PLXDC2: variants seen among roughly 807,000 people sequenced by gnomAD.
The protein encoded by PLXDC2 is plexin domain containing 2.
In PLXDC2, 40 loss-of-function variants were observed where a neutral mutation model predicts 68.9. The ratio of observed to expected loss-of-function variants is 0.58; its 90% CI spans 0.45 to 0.76. PLXDC2 has a LOEUF of 0.76. PLXDC2 is among the 30% of genes least tolerant of loss of function. PLXDC2 has a pLI of 0.00. For missense variants in PLXDC2, 644 were observed against 661.9 expected, an observed-to-expected ratio of 0.97 and a Z score of 0.30; for synonymous variants, 243 against 234.2, an observed-to-expected ratio of 1.04 and a Z score of -0.34.
intron 1 of PLXDC2, among the ~76,000 whole-genome samples, chr10:19,873,771 A>G (rs1837585711): frequency 6.6e-6 from 1 of 152,224 alleles, no homozygotes; most frequent in Non-Finnish European, 1.5e-5. Context: ...TTTATTTGGT[A>G]TCACAAAGAT....
At chr10:20,253,432 C>T (rs888148642) in intron 13 of PLXDC2, among the ~76,000 whole-genome samples, 2 of 151,304 alleles carry the variant, frequency 1.3e-5, no homozygotes, top group African/African-American at 4.9e-5. Context: ...ACACTCTCAC[C>T]ATTCTTAAAG....
At chr10:20,144,925 A>G (rs991676004) in intron 5 of PLXDC2, among the ~76,000 whole-genome samples, 13 of 152,194 alleles carry the variant, frequency 8.5e-5, no homozygotes, top group African/African-American at 3.1e-4. Flanking sequence ...GTTCCTAGGT[A>G]GCTCTTAATA....
At chr10:19,936,316 T>C (rs1833722518) in intron 1 of PLXDC2, among the ~76,000 whole-genome samples, 1 of 152,198 alleles carries the variant, frequency 6.6e-6, no homozygotes, top group Non-Finnish European at 1.5e-5. Context: ...TGCTTTATGC[T>C]TTATGTCAGG....
chr10:19,896,178 G>T (rs540283072), intron 1 of PLXDC2, among the ~76,000 whole-genome samples: 1 of 152,314 alleles, frequency 6.6e-6, no homozygotes, highest in Admixed American at 6.5e-5. Flanking sequence ...GTCCAAGAAA[G>T]CAGCCCATGA....
At chr10:19,908,889 G>C (rs1401653341) in intron 1 of PLXDC2, among the ~76,000 whole-genome samples, 1 of 152,050 alleles carries the variant, frequency 6.6e-6, no homozygotes, top group Non-Finnish European at 1.5e-5. Flanking sequence ...GCTTTTCTTT[G>C]CTGAGCATTG....
chr10:20,217,482 C>G lies in PLXDC2; in HGVS notation c.1179C>G (p.Thr393=), dbSNP rs758038100. The change falls in exon 11 of 14, where the codon ACC becomes ACG. Residue 393 remains threonine (T), a synonymous_variant. Transcript: ENST00000377252. Reference sequence around the variant, plus strand: ...CAGTGGAAACTTCTTCTCGAACCACCACAACCGTAGGAGCGACAACCACCC... The same window carrying G: ...CAGTGGAAACTTCTTCTCGAACCACGACAACCGTAGGAGCGACAACCACCC... ...TEPVETSSRT[T]TTVGATTTQF... 3.1e-6 allele frequency: 5 copies of G among 1,612,594 alleles called. No individual in the cohort carries two copies. The African/African-American group carries it at 6.7e-5, about 22-fold the overall frequency.
At chr10:20,140,442 C>CTAT (rs34794355) in intron 4 of PLXDC2, among the ~76,000 whole-genome samples, 2 of 145,334 alleles carry the variant, frequency 1.4e-5, no homozygotes, top group South Asian at 2.2e-4. Flanking sequence ...TCTATCTATC[C>CTAT]GTCTAATCTT....
intron 1 of PLXDC2, among the ~76,000 whole-genome samples, chr10:19,986,436 CTTAATT>C (rs895499404): frequency 3.3e-5 from 5 of 150,956 alleles, no homozygotes; most frequent in Admixed American, 6.6e-5. Flanking sequence ...ATATTTTTGA[CTTAATT>C]TTAATTAAAC....
intron 4 of PLXDC2, among the ~76,000 whole-genome samples, chr10:20,122,103 G>A (rs12763252): frequency 0.22 from 33,894 of 151,778 alleles, 4,673 homozygotes; most frequent in East Asian, 0.49. Flanking sequence ...GAATAGTCAG[G>A]GAAGCAGATA....
intron 1 of PLXDC2, among the ~76,000 whole-genome samples, chr10:19,870,904 C>G (rs1022680428): frequency 6.6e-6 from 1 of 152,214 alleles, no homozygotes; most frequent in African/African-American, 2.4e-5. Context: ...GTAATACATA[C>G]AGCAAAGCAG....
chr10:19,871,091 AG>A (rs1345018457), intron 1 of PLXDC2, among the ~76,000 whole-genome samples: 1 of 152,202 alleles, frequency 6.6e-6, no homozygotes, highest in East Asian at 1.9e-4. Context: ...CAGGGACAGA[AG>A]GCAGGTCTAG....
At chr10:20,095,271 C>T (rs113072561) in intron 4 of PLXDC2, among the ~76,000 whole-genome samples, 1,586 of 152,198 alleles carry the variant, frequency 0.01, 35 homozygotes, top group African/African-American at 0.037. Context: ...TCAAAAGTCA[C>T]ATGGTAGCTA....
At chr10:19,898,457 G>T (rs1028455850) in intron 1 of PLXDC2, among the ~76,000 whole-genome samples, 1 of 152,142 alleles carries the variant, frequency 6.6e-6, no homozygotes, top group African/African-American at 2.4e-5. Context: ...CATATGTCTT[G>T]CAAGCACAAC....
chr10:20,118,247 A>C (rs1833648986), intron 4 of PLXDC2, among the ~76,000 whole-genome samples: 1 of 152,100 alleles, frequency 6.6e-6, no homozygotes, highest in African/African-American at 2.4e-5. Context: ...TATGTGTTCA[A>C]ATCGTAGGGC....
chr10:19,860,100 A>T (rs1837290955), intron 1 of PLXDC2, among the ~76,000 whole-genome samples: 2 of 152,186 alleles, frequency 1.3e-5, no homozygotes, highest in Admixed American at 6.5e-5. Flanking sequence ...AGCAAAGCTT[A>T]TCTGAGGGTG....
At chr10:19,966,487 G>A (rs889785608) in intron 1 of PLXDC2, among the ~76,000 whole-genome samples, 4 of 15,296 alleles carry the variant, frequency 2.6e-4, no homozygotes, top group Non-Finnish European at 3.5e-4. Context: ...GTAGACCAAT[G>A]CAGCTGTATG....
At chr10:19,892,188 T>G (rs1268716620) in intron 1 of PLXDC2, among the ~76,000 whole-genome samples, 1 of 152,230 alleles carries the variant, frequency 6.6e-6, no homozygotes, top group African/African-American at 2.4e-5. Context: ...AAATATTTCT[T>G]TGACTAAGTG....
rs1233745534 is a variant in PLXDC2, at chr10:20,240,540, G to T, written c.1313-4805G>T. ...TTAAACTGGAAACCAACTAGTGAAA[G>T]AATTTAAAATCAAAGCATATCAATG... On this transcript the variant is annotated intron_variant, in intron 12 of 13. Coordinates refer to ENST00000377252, the MANE Select transcript of PLXDC2 (RefSeq NM_032812.9). 2.0e-5 allele frequency among the ~76,000 whole-genome samples: 3 copies of T among 151,948 alleles called. No homozygotes were observed. The East Asian group carries it at 5.8e-4, about 29-fold the overall frequency.
chr10:20,090,060 C>T (rs1293618887), intron 4 of PLXDC2, among the ~76,000 whole-genome samples: 1 of 152,096 alleles, frequency 6.6e-6, no homozygotes, highest in African/African-American at 2.4e-5. Flanking sequence ...GAAGCTGGCT[C>T]ACCACAAATG....
Sources: allele counts gnomAD v4.1 joint callset (sites outside exome capture counted in the v4.1 genomes callset), GRCh38; gene constraint gnomAD v4.1.1; transcripts MANE v1.5; gene names NCBI Gene and HGNC (gene_info 2026-07-23, HGNC 2026-07-21).